The following PCDH15 variants were observed in gnomAD, a reference collection of about 807,000 sequenced individuals.
PCDH15 encodes the protein protocadherin-15.
Under a neutral mutation model 178.5 loss-of-function variants are expected in PCDH15, and 129 were observed. The ratio of observed to expected loss-of-function variants is 0.72; its 90% CI spans 0.63 to 0.84. PCDH15 has a LOEUF of 0.84. Among genes scored for constraint, PCDH15 ranks in the 40% least tolerant of loss-of-function variants. PCDH15 has a pLI of 0.00. For synonymous variants in PCDH15, 800 were observed against 732.0 expected (o/e 1.09, Z -1.50); for missense variants, 2,230 against 2,099.9 (o/e 1.06, Z -1.21).
At chr10:55,243,769 A>G (rs1373315501) in intron 1 of PCDH15, among the ~76,000 whole-genome samples, 1 of 152,156 alleles carries the variant, frequency 6.6e-6, no homozygotes. Context: ...TTTATTTCCA[A>G]ATTCAGAACA....
At chr10:53,971,797 A>T (rs951808102) in intron 21 of PCDH15, among the ~76,000 whole-genome samples, 2 of 152,190 alleles carry the variant, frequency 1.3e-5, no homozygotes, top group Non-Finnish European at 2.9e-5. Flanking sequence ...GAGGACACAA[A>T]CAAATGGAAG....
At chr10:54,323,067 C>T (rs1276288474) in intron 7 of PCDH15, among the ~76,000 whole-genome samples, 2 of 152,088 alleles carry the variant, frequency 1.3e-5, no homozygotes, top group Non-Finnish European at 2.9e-5. Context: ...TGAACAGACA[C>T]TTCTCAAAAT....
intron 1 of PCDH15, among the ~76,000 whole-genome samples, chr10:55,179,797 A>C (rs1839592543): frequency 6.6e-6 from 1 of 151,888 alleles, no homozygotes; most frequent in Admixed American, 6.6e-5. Flanking sequence ...CAGGAGTAAA[A>C]GAGCTGTAAC....
intron 2 of PCDH15, among the ~76,000 whole-genome samples, chr10:55,039,985 C>T (rs1162904426): frequency 2.0e-5 from 3 of 151,996 alleles, no homozygotes; most frequent in Non-Finnish European, 4.4e-5. Flanking sequence ...AGTAATGGAA[C>T]ATTCATCCAT....
chr10:54,717,279 G>C (rs867272277), intron 1 of PCDH15, among the ~76,000 whole-genome samples: 13 of 119,908 alleles, frequency 1.1e-4, no homozygotes, highest in South Asian at 2.9e-4. Context: ...TTAAACTAAA[G>C]AGCTTCTGCA....
rs1455904215 is a variant in PCDH15, at chr10:54,527,939, A to G, written c.92-62T>C. 9 of 1,298,596 alleles carry G rather than the reference A, an allele frequency of 6.9e-6. No individual in the cohort carries two copies. In the African/African-American group the frequency reaches 1.2e-4, roughly 17 times the overall value. 80.4% of individuals were successfully genotyped at this position (1,298,596 alleles called of 1,614,324 possible). On this transcript the variant is annotated intron_variant, in intron 2 of 37. Transcript: ENST00000644397. ...GCAGGGGCACACACAATGAGAAAAA[A>G]ATTCATTGAGATGTATATTAATATT...
intron 2 of PCDH15, among the ~76,000 whole-genome samples, chr10:54,982,245 C>A (rs1839253598): frequency 6.6e-6 from 1 of 152,072 alleles, no homozygotes; most frequent in Non-Finnish European, 1.5e-5. Flanking sequence ...TATTATATTT[C>A]AAATGCTAGA....
intron 2 of PCDH15, among the ~76,000 whole-genome samples, chr10:55,070,294 T>G (rs11004725): frequency 6.6e-6 from 1 of 152,124 alleles, no homozygotes; most frequent in African/African-American, 2.4e-5. Context: ...TAGATCCCAT[T>G]TGTCAATTTT....
In PCDH15 at chr10:53,905,144, T is replaced by C. The variant is rs201150365; in HGVS notation, c.3374-1774A>G. 139 of 517,358 alleles carry C rather than the reference T, an allele frequency of 2.7e-4. 1 individual carries two copies. The highest frequency in any genetic ancestry group is 3.2e-4 in the Middle Eastern group (1 of 3,150). The allele number at this position is 517,358 out of a possible 1,614,324, so 32.0% of individuals were successfully genotyped here. On this transcript the variant is annotated intron_variant, in intron 25 of 37. Transcript: ENST00000644397. Reference sequence around the variant, plus strand: ...TAATAAATATATCTTGTGTCATTTTTCTCTCAACTCCACAGCTGCCCATAT... The same window carrying C: ...TAATAAATATATCTTGTGTCATTTTCCTCTCAACTCCACAGCTGCCCATAT...
At chr10:55,023,596 A>G (rs1365762457) in intron 2 of PCDH15, among the ~76,000 whole-genome samples, 1 of 152,060 alleles carries the variant, frequency 6.6e-6, no homozygotes, top group Non-Finnish European at 1.5e-5. Context: ...AGTGTTTGCT[A>G]AGATGAAAGG....
chr10:54,468,474 GTTC>G (rs541376134), intron 3 of PCDH15, among the ~76,000 whole-genome samples: 3 of 151,776 alleles, frequency 2.0e-5, no homozygotes, highest in Non-Finnish European at 4.4e-5. Flanking sequence ...AGTTTTCAAA[GTTC>G]TTGTTATTTT....
chr10:54,428,760 A>C (rs1395519403), intron 3 of PCDH15, among the ~76,000 whole-genome samples: 1 of 152,220 alleles, frequency 6.6e-6, no homozygotes, highest in Non-Finnish European at 1.5e-5. Context: ...TTTCAGTGGA[A>C]ACCTTACAGC....
intron 13 of PCDH15, among the ~76,000 whole-genome samples, chr10:54,155,673 AC>A (rs1368073052): frequency 6.6e-6 from 1 of 151,016 alleles, no homozygotes; most frequent in African/African-American, 2.4e-5. Flanking sequence ...AAAACTCAAG[AC>A]CTTTTTTTTT....
rs541627826 is a variant in PCDH15 at position 54,073,166 on chromosome 10, G to A, written c.2091+6165C>T. ...ATGTATACACATTTTATGCAATCGT[G>A]CATGTTTTTATATAAATATATATTT... On this transcript the variant is annotated intron_variant, in intron 17 of 37. Transcript: ENST00000644397. 9.9e-5 allele frequency among the ~76,000 whole-genome samples: 15 copies of A among 151,332 alleles called. No homozygotes were observed. The South Asian group carries it at 2.9e-3, about 29-fold the overall frequency.
At chr10:53,862,125 C>T (rs2133099567) in intron 27 of PCDH15, among the ~76,000 whole-genome samples, 1 of 152,056 alleles carries the variant, frequency 6.6e-6, no homozygotes, top group South Asian at 2.1e-4. Context: ...GATCTCAGCT[C>T]ACAGAAACCT....
chr10:54,014,227 G>A (rs2092674888), intron 20 of PCDH15, among the ~76,000 whole-genome samples: 1 of 152,016 alleles, frequency 6.6e-6, no homozygotes, highest in African/African-American at 2.4e-5. Context: ...AAAAGAAACT[G>A]AATCCCTAAA....
chr10:54,913,664 C>T (rs1402393237), intron 2 of PCDH15, among the ~76,000 whole-genome samples: 5 of 152,254 alleles, frequency 3.3e-5, no homozygotes, highest in East Asian at 1.9e-4. Context: ...TTGGAAAAGC[C>T]GCAGGCACTC....
chr10:53,959,584 A>T, intron 23 of PCDH15, 148 bp downstream of exon 23: 1 of 624,480 alleles, frequency 1.6e-6, no homozygotes, highest in Non-Finnish European at 2.8e-6. Flanking sequence ...CCATTTAAAA[A>T]TTTAAACTAT....
At chr10:54,173,642 C>A (rs1395728959) in intron 13 of PCDH15, among the ~76,000 whole-genome samples, 2 of 152,030 alleles carry the variant, frequency 1.3e-5, no homozygotes, top group Admixed American at 6.6e-5. Flanking sequence ...TCCATTTATT[C>A]ATTTAACAAA....
Sources: gnomAD v4.1 joint callset for allele counts (sites outside exome capture counted in the v4.1 genomes callset) on GRCh38, gnomAD v4.1.1 for gene constraint, MANE v1.5 for transcripts, NCBI Gene and HGNC (gene_info 2026-07-23, HGNC 2026-07-21) for gene names.